The following TRPC6 variants were observed in gnomAD, a reference collection of about 807,000 sequenced individuals.
TRPC6 encodes short transient receptor potential channel 6.
Under a neutral mutation model 90.7 loss-of-function variants are expected in TRPC6, and 55 were observed. That is an observed-to-expected ratio of 0.61 (90% CI 0.49 to 0.76). The LOEUF (loss-of-function observed/expected upper bound fraction) is 0.76. Among genes scored for constraint, TRPC6 ranks in the 30% least tolerant of loss-of-function variants. The probability of loss-of-function intolerance (pLI) is 0.00; values close to 1 mark genes in which losing one functional copy is unlikely to be tolerated. For synonymous variants in TRPC6, 393 were observed against 393.0 expected (o/e 1.00, Z 0.00); for missense variants, 989 against 1,122.7 (o/e 0.88, Z 1.70).
chr11:101,516,446 A>G (rs185523636), intron 1 of TRPC6, among the ~76,000 whole-genome samples: 32 of 152,288 alleles, frequency 2.1e-4, no homozygotes, highest in Non-Finnish European at 3.7e-4. Flanking sequence ...GCCTATTTAA[A>G]TTACTATCTT....
intron 1 of TRPC6, among the ~76,000 whole-genome samples, chr11:101,579,256 T>C (rs1202665161): frequency 6.6e-6 from 1 of 152,172 alleles, no homozygotes; most frequent in African/African-American, 2.4e-5. Context: ...TTATAGATGT[T>C]CTATTTGTCC....
chr11:101,577,098 G>C (rs550294512), intron 1 of TRPC6, among the ~76,000 whole-genome samples: 26 of 152,248 alleles, frequency 1.7e-4, no homozygotes, highest in African/African-American at 5.5e-4. Flanking sequence ...AGCCAGATTT[G>C]AAGGTGGTTT....
intron 2 of TRPC6, among the ~76,000 whole-genome samples, chr11:101,497,815 C>T (rs1859988157): frequency 6.6e-6 from 1 of 152,000 alleles, no homozygotes; most frequent in South Asian, 2.1e-4. Context: ...AGGTTTTAAG[C>T]CCTGCATGCA....
chr11:101,483,734 A>C (rs1177603265), intron 4 of TRPC6, among the ~76,000 whole-genome samples: 1 of 152,192 alleles, frequency 6.6e-6, no homozygotes, highest in Non-Finnish European at 1.5e-5. Context: ...GTATTGAAAC[A>C]ATCTCCTGGA....
chr11:101,560,721 G>C (rs181268666), intron 1 of TRPC6, among the ~76,000 whole-genome samples: 22 of 152,088 alleles, frequency 1.4e-4, no homozygotes, highest in African/African-American at 4.8e-4. Context: ...GAGTGCAGAG[G>C]AAAATTCAGG....
intron 1 of TRPC6, among the ~76,000 whole-genome samples, chr11:101,551,809 T>G (rs1048899655): frequency 6.6e-6 from 1 of 152,122 alleles, no homozygotes; most frequent in Non-Finnish European, 1.5e-5. Context: ...GAAGATAGAA[T>G]GTCTCCCACC....
At chr11:101,509,111 T>C (rs2136753552) in intron 1 of TRPC6, among the ~76,000 whole-genome samples, 1 of 149,866 alleles carries the variant, frequency 6.7e-6, no homozygotes, top group Non-Finnish European at 1.5e-5. Context: ...GAGATGGTAA[T>C]TGATGTAAGT....
In TRPC6 at chr11:101,451,996, A is replaced by AGAT. The variant is rs1308008498; in HGVS notation, c.*956_*958dup. 1 of 152,222 alleles carries AGAT rather than the reference A, an allele frequency of 6.6e-6. No homozygotes were observed. Among genetic ancestry groups the AGAT allele is most frequent in the East Asian group, 1.9e-4 (1 of 5,202 alleles). The allele number at this position is 152,222 out of a possible 1,614,324, so 9.4% of individuals were successfully genotyped here. On this transcript the variant is annotated 3_prime_UTR_variant, in exon 13 of 13. Transcript: ENST00000344327. Reference sequence around the variant, plus strand: ...AAGGATAGAACATATTGAAAATAACAGATAAGTATTTACAAATTCTCACCT... The same window carrying AGAT: ...AAGGATAGAACATATTGAAAATAACAGATGATAAGTATTTACAAATTCTCACCT...
chr11:101,564,350 G>A (rs1407594039), intron 1 of TRPC6, among the ~76,000 whole-genome samples: 4 of 152,058 alleles, frequency 2.6e-5, no homozygotes, highest in African/African-American at 9.7e-5. Context: ...CTCTCTTACT[G>A]TATCTAATAA....
chr11:101,489,129 A>G (rs199680753), intron 3 of TRPC6, 28 bp from the exon 4 acceptor site: 18 of 1,610,784 alleles, frequency 1.1e-5, no homozygotes, highest in Admixed American at 3.3e-5. Flanking sequence ...AAATATTTAA[A>G]TTTGACTAAA....
intron 1 of TRPC6, among the ~76,000 whole-genome samples, chr11:101,577,718 T>C (rs1487546855): frequency 6.6e-6 from 1 of 152,112 alleles, no homozygotes; most frequent in Non-Finnish European, 1.5e-5. Flanking sequence ...ACTCCATAAA[T>C]GAGCTGGAAG....
Position 101,488,998 on chromosome 11 carries a change from A to T in TRPC6, c.1232T>A (p.Leu411His). The T allele has an allele frequency of 6.2e-7, 1 of 1,614,220 alleles. No individual in the cohort carries two copies. Residue 411 changes from leucine (L) to histidine (H), a missense_variant, in exon 4 of 13, where the codon CTT becomes CAT. By Grantham distance (99) the Leu-to-His change is moderately conservative (BLOSUM62 -3). Coordinates refer to ENST00000344327, the MANE Select transcript of TRPC6 (RefSeq NM_004621.6). ...GAAGGGCAGTCCAATGGCAACAGCAAGGACCACAAGGAACTTGACCGCCAT... is the reference window on the plus strand; with the variant it reads ...GAAGGGCAGTCCAATGGCAACAGCATGGACCACAAGGAACTTGACCGCCAT... ...QTMAVKFLVV[L>H]AVAIGLPFLA...
Position 101,583,684 on chromosome 11 carries a change from C to T in TRPC6, c.-181G>A. 1 of 598,792 alleles carries T rather than the reference C, an allele frequency of 1.7e-6. No individual in the cohort carries two copies. Among genetic ancestry groups the T allele is most frequent in the East Asian group, 3.4e-5 (1 of 29,720 alleles). The allele number at this position is 598,792 out of a possible 1,614,324, so 37.1% of individuals were successfully genotyped here. ...CCGCCGCAAGTGGCTCGCCCACTGG[C>T]CCGGGGAAAAGTCACCACTTAAGGG... is the stretch of plus-strand genomic sequence containing the variant. On this transcript the variant is annotated 5_prime_UTR_variant, in exon 1 of 13. Transcript: ENST00000344327.
chr11:101,476,593 A>G, intron 5 of TRPC6, 59 bp from the exon 6 acceptor site: 3 of 1,474,894 alleles, frequency 2.0e-6, no homozygotes, highest in East Asian at 2.3e-5. Context: ...GCTGTTCTAT[A>G]AAACAAAATA....
At chr11:101,567,078 G>GGT (rs1861851341) in intron 1 of TRPC6, among the ~76,000 whole-genome samples, 1 of 142,970 alleles carries the variant, frequency 7.0e-6, no homozygotes, top group African/African-American at 2.5e-5. Flanking sequence ...GGGTGGGGGG[G>GGT]GTCCAACCCC....
Position 101,583,317 on chromosome 11 carries a change from G to A in TRPC6, c.170+17C>T. 1 of 1,567,720 alleles carries A rather than the reference G, an allele frequency of 6.4e-7. No individual in the cohort carries two copies. Among genetic ancestry groups the A allele is most frequent in the Non-Finnish European group, 8.6e-7 (1 of 1,157,772 alleles). On this transcript the variant is annotated intron_variant, in intron 1 of 12. Coordinates refer to ENST00000344327, the MANE Select transcript of TRPC6 (RefSeq NM_004621.6). ...GCGCAGCCCGCGCCCGATCCGCCCC[G>A]CGTCGCCGGCACTCACAAGCAGGGG...
chr11:101,463,903 G>A (rs1222507013), intron 10 of TRPC6, among the ~76,000 whole-genome samples: 2 of 152,120 alleles, frequency 1.3e-5, no homozygotes, highest in African/African-American at 4.8e-5. Flanking sequence ...ATGTTAGGGT[G>A]TCAATTTTAG....
chr11:101,454,138 C>A (rs1461277784), intron 11 of TRPC6, among the ~76,000 whole-genome samples: 1 of 152,094 alleles, frequency 6.6e-6, no homozygotes, highest in Non-Finnish European at 1.5e-5. Context: ...AAAAATGGAA[C>A]CAATTTTTAT....
At position 101,527,710 on chromosome 11, in the gene TRPC6, AT is replaced by A. The variant is rs573010107; in HGVS notation, c.171-22913del. Among the ~76,000 whole-genome samples, 536 of 152,096 alleles carry A rather than the reference AT, an allele frequency of 3.5e-3. 1 individual carries two copies. Among genetic ancestry groups the A allele is most frequent in the Non-Finnish European group, 4.1e-3 (281 of 67,964 alleles). Reference sequence around the variant, plus strand: ...TTAAAATAAAGCAACTAAATAATTGATTTTTTTTCCTATAGTTCTGATAAAA... The same window carrying A: ...TTAAAATAAAGCAACTAAATAATTGATTTTTTTCCTATAGTTCTGATAAAA... On this transcript the variant is annotated intron_variant, in intron 1 of 12. Transcript: ENST00000344327.
Sources: gnomAD v4.1 joint callset for allele counts (sites outside exome capture counted in the v4.1 genomes callset) on GRCh38, gnomAD v4.1.1 for gene constraint, MANE v1.5 for transcripts, NCBI Gene and HGNC (gene_info 2026-07-23, HGNC 2026-07-21) for gene names.